Variants in PEMT observed in about 807,000 individuals in gnomAD.
PEMT encodes the protein phospholipid methyltransferase.
In PEMT, 23 loss-of-function variants were observed where a neutral mutation model predicts 27.4. The observed-to-expected ratio is 0.84, with a 90% CI of 0.60 to 1.19. The LOEUF is 1.19. Ranked by LOEUF, PEMT falls within the 50% of genes most tolerant of loss-of-function variation. PEMT has a pLI of 0.00. For missense variants in PEMT, 307 were observed against 310.1 expected (o/e 0.99, Z 0.07); for synonymous variants, 137 against 139.1 (o/e 0.98, Z 0.11).
chr17:17,579,794 G>C (rs1012034921), intron 1 of PEMT, among the ~76,000 whole-genome samples: 22 of 152,246 alleles, frequency 1.4e-4, no homozygotes, highest in Admixed American at 2.6e-4. Flanking sequence ...GAGTGAAAGA[G>C]TGGCCACGGC....
intron 1 of PEMT, among the ~76,000 whole-genome samples, chr17:17,580,646 G>A (rs530908833): frequency 6.6e-6 from 1 of 152,214 alleles, no homozygotes; most frequent in South Asian, 2.1e-4. Context: ...GTGCACAGCA[G>A]ACCCTATGAG....
At chr17:17,522,141 C>T in intron 3 of PEMT, 139 bp downstream of exon 3, 1 of 649,186 alleles carries the variant, frequency 1.5e-6, no homozygotes. Context: ...GGGTGGCTTG[C>T]TGTGGCAGGT....
chr17:17,568,185 T>C (rs9893962), intron 2 of PEMT, among the ~76,000 whole-genome samples: 186 of 152,214 alleles, frequency 1.2e-3, no homozygotes, highest in African/African-American at 4.4e-3. Context: ...TCATATCCCT[T>C]TCCTTGGCCT....
At chr17:17,589,829 C>G (rs1198201483) in intron 1 of PEMT, among the ~76,000 whole-genome samples, 1 of 152,208 alleles carries the variant, frequency 6.6e-6, no homozygotes, top group Non-Finnish European at 1.5e-5. Flanking sequence ...CCAACAAGGA[C>G]AGCAGAAGAA....
At chr17:17,546,935 C>G (rs1309068344) in intron 2 of PEMT, among the ~76,000 whole-genome samples, 1 of 152,242 alleles carries the variant, frequency 6.6e-6, no homozygotes, top group Non-Finnish European at 1.5e-5. Context: ...GTGGCTGGAC[C>G]TCTGCATGCA....
At chr17:17,548,651 C>T (rs1312075919) in intron 2 of PEMT, among the ~76,000 whole-genome samples, 1 of 152,110 alleles carries the variant, frequency 6.6e-6, no homozygotes, top group Non-Finnish European at 1.5e-5. Flanking sequence ...CAGGTTCAAG[C>T]AATTCTCCTG....
intron 2 of PEMT, among the ~76,000 whole-genome samples, chr17:17,547,887 A>C (rs1373727240): frequency 6.6e-6 from 1 of 152,184 alleles, no homozygotes; most frequent in African/African-American, 2.4e-5. Flanking sequence ...CTAAATCACA[A>C]CTGAATTCTG....
intron 2 of PEMT, among the ~76,000 whole-genome samples, chr17:17,536,479 C>T (rs936108): frequency 0.46 from 69,277 of 152,086 alleles, 16,403 homozygotes; most frequent in Non-Finnish European, 0.53. Flanking sequence ...TGTCTGCCTC[C>T]GGGTCCGAAG....
At chr17:17,589,272 A>AT (rs573309051) in intron 1 of PEMT, among the ~76,000 whole-genome samples, 57,012 of 138,042 alleles carry the variant, frequency 0.41, 11,985 homozygotes, top group Non-Finnish European at 0.49. Flanking sequence ...CCAACAGCTG[A>AT]TTTTTTTTTT....
At chr17:17,585,595 G>A (rs1481487789) in intron 1 of PEMT, among the ~76,000 whole-genome samples, 2 of 152,136 alleles carry the variant, frequency 1.3e-5, no homozygotes, top group Non-Finnish European at 2.9e-5. Context: ...GGTGAAGAAC[G>A]TCTCAGAACT....
chr17:17,506,427 C>T (rs1426889808), intron 5 of PEMT, 126 bp from the exon 6 acceptor site: 8 of 635,510 alleles, frequency 1.3e-5, no homozygotes, highest in Admixed American at 1.2e-4. Flanking sequence ...CCACTTGGGC[C>T]GACCGAGCCC....
rs545212898 is a variant in PEMT at position 17,578,192 on chromosome 17, C to G, written c.97-1165G>C. ...TTTACAATTTTTTTTTTTTTTGAGACAGAGTCTCCCTCTGCCACCCAGGCT... is the reference window on the plus strand; with the variant it reads ...TTTACAATTTTTTTTTTTTTTGAGAGAGAGTCTCCCTCTGCCACCCAGGCT... On this transcript the variant is annotated intron_variant, in intron 1 of 6. Transcript: ENST00000255389. 2.0e-3 allele frequency among the ~76,000 whole-genome samples: 292 copies of G among 148,144 alleles called. 1 individual carries two copies. The highest frequency in any genetic ancestry group is 6.9e-3 in the Middle Eastern group (2 of 290).
In PEMT at chr17:17,512,596, A is replaced by T; in HGVS notation, c.379T>A (p.Tyr127Asn). The change falls in exon 4 of 7, where the codon TAC (tyrosine) becomes AAC (asparagine). Residue 127 changes from tyrosine (Y) to asparagine (N), a missense_variant. Physicochemically the swap from Tyr to Asn is moderately radical, Grantham distance 143. Coordinates refer to ENST00000255389, the MANE Select transcript of PEMT (RefSeq NM_148172.3). This position sits in a 1 kb window ranked among gnomAD's most constrained non-coding sequence, Gnocchi z 6.3. Reference sequence around the variant, plus strand: ...CCCAGGAGCGCGAGGCCCAGGCTGTAGGCCGCGGGGGTGTCCAGGCTCTCC... The same window carrying T: ...CCCAGGAGCGCGAGGCCCAGGCTGTTGGCCGCGGGGGTGTCCAGGCTCTCC... ...RMESLDTPAA[Y>N]SLGLALLGLG... The T allele has an allele frequency of 6.2e-7, 1 of 1,604,994 alleles. No individual in the cohort carries two copies. The highest frequency in any genetic ancestry group is 8.5e-7 in the Non-Finnish European group (1 of 1,175,544).
At chr17:17,528,446 G>A (rs113361192) in intron 2 of PEMT, among the ~76,000 whole-genome samples, 7 of 152,356 alleles carry the variant, frequency 4.6e-5, no homozygotes, top group East Asian at 1.9e-4. Context: ...CAACAAGCAC[G>A]GGTCTGTGTG....
chr17:17,541,857 C>G (rs1259927672), intron 2 of PEMT, among the ~76,000 whole-genome samples: 3 of 152,232 alleles, frequency 2.0e-5, no homozygotes, highest in Non-Finnish European at 4.4e-5. Flanking sequence ...ACCCCTGGCC[C>G]CAAGGCTAAA....
At chr17:17,559,261 G>A (rs959940461) in intron 2 of PEMT, among the ~76,000 whole-genome samples, 4 of 152,198 alleles carry the variant, frequency 2.6e-5, no homozygotes, top group African/African-American at 7.2e-5. Flanking sequence ...AGGCAGTGGG[G>A]TCTGAAGGAA....
intron 2 of PEMT, among the ~76,000 whole-genome samples, chr17:17,527,721 A>C (rs903259365): frequency 6.6e-6 from 1 of 152,198 alleles, no homozygotes; most frequent in Non-Finnish European, 1.5e-5. Flanking sequence ...GCTAAGTCCA[A>C]GCTATTGGCC....
chr17:17,521,044 GT>G (rs1224091410), intron 3 of PEMT, among the ~76,000 whole-genome samples: 2 of 152,258 alleles, frequency 1.3e-5, no homozygotes, highest in African/African-American at 4.8e-5. Flanking sequence ...TGTGCACCCA[GT>G]GCCTGCAAGC....
At chr17:17,509,320 A>T (rs1216897513) in intron 5 of PEMT, 114 bp downstream of exon 5, 1 of 688,014 alleles carries the variant, frequency 1.5e-6, no homozygotes, top group Non-Finnish European at 2.5e-6. Flanking sequence ...CCCACAAATG[A>T]CACGTTCTTC....
Sources: gnomAD v4.1 joint callset for allele counts (sites outside exome capture counted in the v4.1 genomes callset) on GRCh38, gnomAD v4.1.1 for gene constraint, Gnocchi (gnomAD v3.1) non-coding constraint, MANE v1.5 for transcripts, NCBI Gene and HGNC (gene_info 2026-07-23, HGNC 2026-07-21) for gene names.